CEP70: variants seen among roughly 807,000 people sequenced by gnomAD.
The protein encoded by CEP70 is centrosomal protein 70.
In CEP70, 70 loss-of-function variants were observed where a neutral mutation model predicts 90.9. The ratio of observed to expected loss-of-function variants is 0.77; its 90% confidence interval spans 0.64 to 0.94. CEP70 has a LOEUF of 0.94. CEP70 is among the 40% of genes least tolerant of loss of function. CEP70 has a pLI of 0.00. For missense variants in CEP70, 648 were observed against 669.0 expected (o/e 0.97, Z 0.35); for synonymous variants, 220 against 228.3 (o/e 0.96, Z 0.33).
intron 7 of CEP70, among the ~76,000 whole-genome samples, chr3:138,532,959 G>A (rs532004577): frequency 4.7e-4 from 72 of 152,262 alleles, no homozygotes; most frequent in African/African-American, 1.7e-3. Context: ...CAGGAGAAAG[G>A]TTAAATAAAT....
At chr3:138,574,194 A>T (rs138413410) in intron 2 of CEP70, among the ~76,000 whole-genome samples, 2,548 of 152,298 alleles carry the variant, frequency 0.017, 221 homozygotes, top group Admixed American at 0.15. Context: ...TAGCCAAAGG[A>T]AGCCGTGACA....
chr3:138,503,225 C>T (rs1287222412), intron 13 of CEP70, among the ~76,000 whole-genome samples: 1 of 152,154 alleles, frequency 6.6e-6, no homozygotes, highest in Non-Finnish European at 1.5e-5. Context: ...TCTACTTTGT[C>T]TCTATGATTT....
At chr3:138,571,391 T>C in intron 3 of CEP70, 35 bp from the exon 4 acceptor site, 1 of 1,380,406 alleles carries the variant, frequency 7.2e-7, no homozygotes, top group South Asian at 1.2e-5. Context: ...GGGTTAACTT[T>C]AGATATAAAG....
rs185648153 is a variant in CEP70 at position 138,508,490 on chromosome 3, C to T, written c.999G>A (p.Glu333=). The T allele has an allele frequency of 5.6e-6, 9 of 1,612,950 alleles. No individual in the cohort carries two copies. In the East Asian group the frequency reaches 2.0e-4, roughly 36 times the overall value. Reference sequence around the variant, plus strand: ...CCTGTTGCTGATTATATTTGCTGGGCTCATCTTTCTTCTCTGTGTCCTCAG... The same window carrying T: ...CCTGTTGCTGATTATATTTGCTGGGTTCATCTTTCTTCTCTGTGTCCTCAG... The part of the protein sequence containing the change: ...KKAEDTEKKD[E]PSKYNQQQAL... Residue 333 remains glutamate (E), a synonymous_variant, in exon 12 of 18, where the codon GAG becomes GAA. Transcript: ENST00000264982.
intron 7 of CEP70, among the ~76,000 whole-genome samples, chr3:138,535,793 C>G (rs2107800179): frequency 6.6e-6 from 1 of 151,474 alleles, no homozygotes; most frequent in South Asian, 2.1e-4. Context: ...CTTCCAATTT[C>G]TCTCTTCTTC....
chr3:138,536,789 T>C (rs1178627241), intron 7 of CEP70: 3 of 149,874 alleles, frequency 2.0e-5, no homozygotes, highest in Non-Finnish European at 3.0e-5. Flanking sequence ...CTCCAAAATA[T>C]ATAGTCCCTG....
intron 12 of CEP70, 125 bp from the exon 13 acceptor site, chr3:138,505,590 A>C (rs2034913191): frequency 1.9e-6 from 1 of 536,242 alleles, no homozygotes; most frequent in African/African-American, 2.0e-5. Flanking sequence ...ATACAAAGAA[A>C]ATTATCATAA....
chr3:138,570,290 C>A, intron 6 of CEP70, 28 bp downstream of exon 6: 1 of 1,442,134 alleles, frequency 6.9e-7, no homozygotes, highest in Non-Finnish European at 9.4e-7. Context: ...ACTAACTAAC[C>A]ATCATCTAAG....
intron 7 of CEP70, among the ~76,000 whole-genome samples, chr3:138,533,845 C>T (rs896085916): frequency 6.6e-6 from 1 of 152,052 alleles, no homozygotes; most frequent in South Asian, 2.1e-4. Context: ...AGTGCAGTGG[C>T]GTCATCCTGG....
chr3:138,539,454 G>A (rs1315703224), intron 6 of CEP70, among the ~76,000 whole-genome samples: 1 of 152,084 alleles, frequency 6.6e-6, no homozygotes, highest in African/African-American at 2.4e-5. Flanking sequence ...AAATCTATCA[G>A]TGAAATTTTA....
At chr3:138,496,471 T>G (rs1184925977) in intron 17 of CEP70, 1 of 985,456 alleles carries the variant, frequency 1.0e-6, no homozygotes, top group Non-Finnish European at 1.2e-6. Flanking sequence ...AGGTATTCCC[T>G]GACTCCGCCC....
chr3:138,592,869 T>A (rs2108301373), intron 1 of CEP70: 1 of 152,306 alleles, frequency 6.6e-6, no homozygotes, highest in African/African-American at 2.4e-5. Context: ...ATTACTGCAA[T>A]AAATGAACAT....
chr3:138,585,621 A>G (rs958088922), intron 2 of CEP70, among the ~76,000 whole-genome samples: 5 of 152,212 alleles, frequency 3.3e-5, no homozygotes, highest in African/African-American at 1.2e-4. Context: ...GAGGAATCAC[A>G]TTAACTGACT....
In CEP70 at chr3:138,549,038, T is replaced by A. The variant is rs566100838; in HGVS notation, c.466-11691A>T. 6.6e-5 allele frequency among the ~76,000 whole-genome samples: 10 copies of A among 152,088 alleles called. No individual in the cohort carries two copies. The East Asian group carries it at 1.9e-3, about 29-fold the overall frequency. ...CAAAATAAAGGGGTAGAGGAAGGAA[T>A]GGGAAAAGCCCTGTGGGCTCTCTGG... On this transcript the variant is annotated intron_variant, in intron 6 of 17. Transcript: ENST00000264982.
At chr3:138,541,103 GAGA>G (rs1002109028) in intron 6 of CEP70, among the ~76,000 whole-genome samples, 6 of 152,124 alleles carry the variant, frequency 3.9e-5, no homozygotes, top group Admixed American at 1.3e-4. Flanking sequence ...GGAGAAGGAA[GAGA>G]AGGAGAAAAG....
intron 6 of CEP70, among the ~76,000 whole-genome samples, chr3:138,538,461 T>C (rs2038474549): frequency 6.6e-6 from 1 of 152,104 alleles, no homozygotes; most frequent in Admixed American, 6.5e-5. Flanking sequence ...CACCATCTAG[T>C]ACCAAGAAGG....
intron 2 of CEP70, 120 bp downstream of exon 2, chr3:138,591,734 T>C (rs2042393491): frequency 1.2e-6 from 1 of 832,400 alleles, no homozygotes; most frequent in South Asian, 1.6e-5. Context: ...ATCTACCTGA[T>C]AGGATTATCA....
At chr3:138,566,619 A>G (rs998264884) in intron 6 of CEP70, among the ~76,000 whole-genome samples, 1 of 151,978 alleles carries the variant, frequency 6.6e-6, no homozygotes. Context: ...ATGAGAACAC[A>G]TGGACACAGC....
chr3:138,500,323 C>CA, intron 15 of CEP70, 76 bp downstream of exon 15: 1 of 1,518,482 alleles, frequency 6.6e-7, no homozygotes, highest in Non-Finnish European at 8.9e-7. Context: ...TTCACTTAAA[C>CA]ATTTTTTAAT....
Sources: allele counts gnomAD v4.1 joint callset (sites outside exome capture counted in the v4.1 genomes callset), GRCh38; gene constraint gnomAD v4.1.1; transcripts MANE v1.5; gene names NCBI Gene and HGNC (gene_info 2026-07-23, HGNC 2026-07-21).